The following SCEL variants were observed in gnomAD, a reference collection of about 807,000 sequenced individuals.
SCEL encodes the protein sciellin.
SCEL carries 113 observed loss-of-function variants against 117.6 expected under a neutral mutation model. That is an observed-to-expected ratio of 0.96 (90% CI 0.83 to 1.12). The LOEUF (loss-of-function observed/expected upper bound fraction) is 1.12, where lower values mean the gene tolerates loss of function less well. Among genes scored for constraint, SCEL ranks in the 50% most tolerant of loss-of-function variants. The probability of loss-of-function intolerance (pLI) is 0.00; values close to 1 mark genes in which losing one functional copy is unlikely to be tolerated. For missense variants in SCEL, 785 were observed against 810.8 expected, an observed-to-expected ratio of 0.97 and a Z score of 0.39; for synonymous variants, 270 against 256.2, an observed-to-expected ratio of 1.05 and a Z score of -0.51.
At chr13:77,604,789 A>G (rs1214430018) in intron 19 of SCEL, among the ~76,000 whole-genome samples, 1 of 152,148 alleles carries the variant, frequency 6.6e-6, no homozygotes, top group African/African-American at 2.4e-5. Flanking sequence ...GTGCATATGT[A>G]TGTAGATGTA....
At chr13:77,561,814 C>T (rs1013918797) in intron 4 of SCEL, among the ~76,000 whole-genome samples, 2 of 152,002 alleles carry the variant, frequency 1.3e-5, no homozygotes, top group African/African-American at 2.4e-5. Flanking sequence ...TTGGTGTTGG[C>T]GATGATGCTT....
intron 29 of SCEL, among the ~76,000 whole-genome samples, chr13:77,636,418 A>G (rs1028862519): frequency 6.6e-6 from 1 of 152,224 alleles, no homozygotes; most frequent in Non-Finnish European, 1.5e-5. Flanking sequence ...AAAAATCCCA[A>G]GTGAGAGCCA....
At chr13:77,602,264 G>A in intron 16 of SCEL, 140 bp downstream of exon 16, 2 of 614,702 alleles carry the variant, frequency 3.3e-6, no homozygotes, top group Non-Finnish European at 2.7e-6. Context: ...GTAGGCAAAA[G>A]GAATATGTTG....
At chr13:77,544,838 C>G (rs2083907035) in intron 1 of SCEL, among the ~76,000 whole-genome samples, 1 of 152,144 alleles carries the variant, frequency 6.6e-6, no homozygotes, top group Non-Finnish European at 1.5e-5. Flanking sequence ...TTTCATGATT[C>G]AGAACTTTAG....
chr13:77,554,733 T>C (rs992073134), intron 1 of SCEL, among the ~76,000 whole-genome samples: 5 of 152,196 alleles, frequency 3.3e-5, no homozygotes, highest in African/African-American at 1.2e-4. Flanking sequence ...GCAGGGAGGT[T>C]AAGTGGTTCA....
chr13:77,622,034 C>G (rs2089450927), intron 27 of SCEL, among the ~76,000 whole-genome samples: 1 of 152,116 alleles, frequency 6.6e-6, no homozygotes, highest in African/African-American at 2.4e-5. Flanking sequence ...GAGTTGGGCC[C>G]ATTTTGCTAT....
In SCEL at chr13:77,591,591, T is replaced by C. The variant is rs2086875152; in HGVS notation, c.692+131T>C. On this transcript the variant is annotated intron_variant, in intron 11 of 32. Coordinates refer to ENST00000349847, the MANE Select transcript of SCEL (RefSeq NM_144777.3). Reference sequence around the variant, plus strand: ...AGTTTTCCAACTGACTCCAAAATATTAATAAATGTTTTTGTAGGCACTTTC... The same window carrying C: ...AGTTTTCCAACTGACTCCAAAATATCAATAAATGTTTTTGTAGGCACTTTC... 6 of 594,348 alleles carry C rather than the reference T, an allele frequency of 1.0e-5. No homozygotes were observed. In the South Asian group the frequency reaches 1.5e-4, roughly 14 times the overall value. 36.8% of individuals were successfully genotyped at this position (594,348 alleles called of 1,614,324 possible). A position where few individuals can be genotyped will look rare whatever the true frequency, so the allele number is the denominator to read the frequency against.
chr13:77,626,952 G>T (rs1025975836), intron 27 of SCEL, among the ~76,000 whole-genome samples: 1 of 143,866 alleles, frequency 7.0e-6, no homozygotes, highest in African/African-American at 2.6e-5. Flanking sequence ...CATGACAAAA[G>T]AAAAAAAACA....
rs1009191080 is a variant in SCEL, at chr13:77,634,573, A to G, written c.1763+123A>G. The G allele has an allele frequency of 5.0e-6, 3 of 606,024 alleles. No homozygotes were observed. In the South Asian group the frequency reaches 6.7e-5, roughly 13 times the overall value. The allele number at this position is 606,024 out of a possible 1,614,324, so 37.5% of individuals were successfully genotyped here. ...CAAATAGAAGACCGTTTATAAGTAC[A>G]TTGAGTTCTATATATATATAATTCT... On this transcript the variant is annotated intron_variant, in intron 29 of 32. Transcript: ENST00000349847.
At chr13:77,565,093 G>A (rs2085213809) in intron 5 of SCEL, among the ~76,000 whole-genome samples, 1 of 152,156 alleles carries the variant, frequency 6.6e-6, no homozygotes, top group South Asian at 2.1e-4. Context: ...CTCAAGTAAG[G>A]TGGAAAACCT....
chr13:77,639,830 G>C (rs1316290764), intron 30 of SCEL, among the ~76,000 whole-genome samples: 1 of 151,922 alleles, frequency 6.6e-6, no homozygotes, highest in Non-Finnish European at 1.5e-5. Flanking sequence ...GGAAATGTCA[G>C]GCCTGCATGC....
At chr13:77,600,440 C>G (rs575607495) in intron 15 of SCEL, among the ~76,000 whole-genome samples, 1 of 152,132 alleles carries the variant, frequency 6.6e-6, no homozygotes, top group East Asian at 1.9e-4. Context: ...CCACTGAAGT[C>G]TTTAGAGTGT....
At chr13:77,542,390 A>G (rs2083755293) in intron 1 of SCEL, among the ~76,000 whole-genome samples, 1 of 149,970 alleles carries the variant, frequency 6.7e-6, no homozygotes, top group Non-Finnish European at 1.5e-5. Context: ...ACAGAGCAAG[A>G]TTCCGTCTCA....
chr13:77,569,475 C>G (rs757488582), intron 8 of SCEL, 24 bp downstream of exon 8: 2 of 1,561,370 alleles, frequency 1.3e-6, no homozygotes, highest in Non-Finnish European at 1.8e-6. Flanking sequence ...ACTGTGTCTA[C>G]CTCTTGCTGA....
intron 28 of SCEL, among the ~76,000 whole-genome samples, chr13:77,630,318 A>G (rs1033311658): frequency 6.6e-6 from 1 of 152,220 alleles, no homozygotes; most frequent in Admixed American, 6.5e-5. Flanking sequence ...GTTTGTGACT[A>G]TGAGTGAAAT....
chr13:77,555,885 G>A lies in SCEL; in HGVS notation c.10G>A (p.Val4Ile). The A allele has an allele frequency of 6.2e-7, 1 of 1,613,098 alleles. No homozygotes were observed. The highest frequency in any genetic ancestry group is 8.5e-7 in the Non-Finnish European group (1 of 1,179,234). The change falls in exon 2 of 33, where the codon GTT (valine) becomes ATT (isoleucine). Residue 4 changes from valine to isoleucine, a missense_variant. Physicochemically the swap from Val to Ile is conservative, Grantham distance 29. Transcript: ENST00000349847. ...CTTACTGGAAGGCAGCATGTCCAAT[G>A]TTACCTTGAGAAAAATGTCTCCCAC... MSN[V>I]TLRKMSPTGN...
intron 27 of SCEL, among the ~76,000 whole-genome samples, chr13:77,619,561 A>G (rs1016761428): frequency 1.3e-5 from 2 of 152,198 alleles, no homozygotes; most frequent in South Asian, 2.1e-4. Context: ...TTAAAGGAGT[A>G]TGATCAGATG....
At chr13:77,538,348 C>T (rs1009210291) in intron 1 of SCEL, among the ~76,000 whole-genome samples, 1 of 152,110 alleles carries the variant, frequency 6.6e-6, no homozygotes, top group African/African-American at 2.4e-5. Flanking sequence ...AACTCCTGAC[C>T]TCAAGTGATG....
At position 77,555,890 on chromosome 13, in the gene SCEL, C is replaced by T. The variant is rs2084627066; in HGVS notation, c.15C>T (p.Thr5=). The change falls in exon 2 of 33, where the codon ACC becomes ACT. Residue 5 remains threonine (T), a synonymous_variant. Coordinates refer to ENST00000349847, the MANE Select transcript of SCEL (RefSeq NM_144777.3). The part of the protein sequence containing the change: MSNV[T]LRKMSPTGNE... ...TGGAAGGCAGCATGTCCAATGTTAC[C>T]TTGAGAAAAATGTCTCCCACAGGAA... The T allele has an allele frequency of 6.2e-7, 1 of 1,613,188 alleles. No homozygotes were observed. The highest frequency in any genetic ancestry group is 8.5e-7 in the Non-Finnish European group (1 of 1,179,468).
Sources: allele counts gnomAD v4.1 joint callset (sites outside exome capture counted in the v4.1 genomes callset), GRCh38; gene constraint gnomAD v4.1.1; transcripts MANE v1.5; gene names NCBI Gene and HGNC (gene_info 2026-07-23, HGNC 2026-07-21).